FYCO1: variants seen among roughly 807,000 people sequenced by gnomAD.
FYCO1 encodes the protein FYVE and coiled-coil domain autophagy adaptor 1.
In FYCO1, 122 loss-of-function variants were observed where a neutral mutation model predicts 165.1. The ratio of observed to expected loss-of-function variants is 0.74; its 90% CI spans 0.64 to 0.86. The LOEUF (loss-of-function observed/expected upper bound fraction) is 0.86. Ranked by LOEUF, FYCO1 falls within the 40% of genes least tolerant of loss-of-function variation. The pLI is 0.00. For missense variants in FYCO1, 1,702 were observed against 1,810.3 expected, an observed-to-expected ratio of 0.94 and a Z score of 1.09; for synonymous variants, 648 against 742.5, an observed-to-expected ratio of 0.87 and a Z score of 2.07.
chr3:45,937,314 C>T (rs9869848), intron 14 of FYCO1, among the ~76,000 whole-genome samples: 119,729 of 152,208 alleles, frequency 0.79, 47,637 homozygotes, highest in East Asian at 0.96. Context: ...TGGCTTCTTT[C>T]TAAATTGCTG....
intron 14 of FYCO1, chr3:45,946,038 C>T: frequency 6.2e-6 from 1 of 162,052 alleles, no homozygotes; most frequent in Admixed American, 5.7e-5. Context: ...TGTGGTGAGG[C>T]AGGGGGAGAT....
intron 17 of FYCO1, among the ~76,000 whole-genome samples, chr3:45,922,431 G>A (rs943520796): frequency 1.3e-5 from 2 of 152,206 alleles, no homozygotes; most frequent in Non-Finnish European, 2.9e-5. Context: ...CTGCAGAGTA[G>A]GAAATGGAGA....
At chr3:45,986,499 T>C (rs755907595) in intron 1 of FYCO1, among the ~76,000 whole-genome samples, 6 of 152,172 alleles carry the variant, frequency 3.9e-5, no homozygotes, top group Non-Finnish European at 7.3e-5. Flanking sequence ...AGGGCAGAGA[T>C]AACTAGAGCC....
chr3:45,964,457 G>C lies in FYCO1; in HGVS notation c.3151-3C>G, dbSNP rs1705878108. 6.2e-7 allele frequency: 1 copy of C among 1,613,920 alleles called. No homozygotes were observed. Among genetic ancestry groups the C allele is most frequent in the Non-Finnish European group, 8.5e-7 (1 of 1,179,856 alleles). The stretch of plus-strand genomic sequence containing the variant: ...TCTCCCATGTCTGCTTGGGTGGCCT[G>C]GCACAGGACGTCAGGGAGAAGACAC... On this transcript the variant is annotated splice_region_variant and splice_polypyrimidine_tract_variant and intron_variant, in intron 9 of 17. Coordinates refer to ENST00000296137, the MANE Select transcript of FYCO1 (RefSeq NM_024513.4). The surrounding 1 kb of genome is among the most constrained non-coding windows in gnomAD (Gnocchi z 4.1).
chr3:45,924,998 T>C (rs1349877325), intron 16 of FYCO1, among the ~76,000 whole-genome samples: 1 of 152,076 alleles, frequency 6.6e-6, no homozygotes, highest in Non-Finnish European at 1.5e-5. Context: ...GTCGTGATCT[T>C]GGCTCACTGC....
intron 1 of FYCO1, among the ~76,000 whole-genome samples, chr3:45,990,893 C>CTCG (rs1240432044): frequency 6.6e-6 from 1 of 152,190 alleles, no homozygotes; most frequent in Non-Finnish European, 1.5e-5. Flanking sequence ...CTGCCTCAGC[C>CTCG]TCGTGAGTAG....
intron 15 of FYCO1, 105 bp downstream of exon 15, chr3:45,936,343 A>G (rs1703885716): frequency 1.3e-6 from 1 of 771,582 alleles, no homozygotes; most frequent in Admixed American, 1.7e-5. Flanking sequence ...CCCCACTGGT[A>G]TTAAGTTAGA....
intron 6 of FYCO1, among the ~76,000 whole-genome samples, chr3:45,971,986 T>C (rs1178486917): frequency 2.6e-5 from 4 of 152,342 alleles, no homozygotes; most frequent in South Asian, 4.1e-4. Context: ...ATCAAGTCTG[T>C]AATTTACTCT....
intron 4 of FYCO1, among the ~76,000 whole-genome samples, chr3:45,977,541 AT>A (rs1203352838): frequency 6.6e-6 from 1 of 151,096 alleles, no homozygotes; most frequent in Non-Finnish European, 1.5e-5. Flanking sequence ...TAATTCCTTA[AT>A]TTTTTTTAGC....
intron 15 of FYCO1, among the ~76,000 whole-genome samples, chr3:45,935,346 C>A (rs1703835561): frequency 6.6e-6 from 1 of 152,184 alleles, no homozygotes; most frequent in South Asian, 2.1e-4. Context: ...TGCTACACAC[C>A]TCATTTTGGG....
At chr3:45,946,229 G>GAGTTGT in intron 14 of FYCO1, 1 of 462,314 alleles carries the variant, frequency 2.2e-6, no homozygotes, top group African/African-American at 1.9e-5. Flanking sequence ...TTGTCTCCCA[G>GAGTTGT]ATGGGTGAGA....
Position 45,936,577 on chromosome 3 carries a change from G to A in FYCO1, c.3945-34C>T, listed in dbSNP as rs1343694289. The A allele has an allele frequency of 5.5e-6, 8 of 1,451,530 alleles. No homozygotes were observed. The South Asian group carries it at 6.8e-5, about 12-fold the overall frequency. 89.9% of individuals were successfully genotyped at this position (1,451,530 alleles called of 1,614,324 possible). ...TCACAAATGAGAACACAGTCATTTA[G>A]CTATCAACACACAGGGTCTCACATC... On this transcript the variant is annotated intron_variant, in intron 14 of 17. Transcript: ENST00000296137.
rs143154227 is a variant in FYCO1, at chr3:45,935,969, G to C, written c.4040+479C>G. 7.2e-5 allele frequency among the ~76,000 whole-genome samples: 11 copies of C among 152,268 alleles called. No individual in the cohort carries two copies. In the East Asian group the frequency reaches 2.1e-3, roughly 29 times the overall value. ...TGGGAAAATACTCATGCTATAGGAA[G>C]TTTTAAAAGACTGCAAAATAAGATT... On this transcript the variant is annotated intron_variant, in intron 15 of 17. Transcript: ENST00000296137.
At chr3:45,977,062 C>T (rs1706796303) in intron 4 of FYCO1, among the ~76,000 whole-genome samples, 2 of 151,946 alleles carry the variant, frequency 1.3e-5, no homozygotes, top group Non-Finnish European at 2.9e-5. Flanking sequence ...TTTCCACTGA[C>T]GATTGAGGTG....
At chr3:45,989,127 A>G (rs1374594596) in intron 1 of FYCO1, among the ~76,000 whole-genome samples, 3 of 152,160 alleles carry the variant, frequency 2.0e-5, no homozygotes, top group African/African-American at 7.2e-5. Flanking sequence ...CTCCACCTTC[A>G]AAATTTTGCT....
chr3:45,981,948 A>G (rs1707083741), intron 2 of FYCO1, among the ~76,000 whole-genome samples: 1 of 152,234 alleles, frequency 6.6e-6, no homozygotes. Context: ...TAATTTGCAT[A>G]TAGTAGCTGG....
intron 14 of FYCO1, chr3:45,947,414 C>T (rs1033012277): frequency 6.2e-7 from 1 of 1,614,220 alleles, no homozygotes; most frequent in Non-Finnish European, 8.5e-7. Flanking sequence ...GCCTCCCTTA[C>T]CTTGGGGTCT....
chr3:45,979,321 A>T (rs1357403996), intron 4 of FYCO1, among the ~76,000 whole-genome samples: 1 of 152,250 alleles, frequency 6.6e-6, no homozygotes, highest in Non-Finnish European at 1.5e-5. Context: ...GTGTAGGGAA[A>T]GCAGCATAGC....
rs752900690 is a variant in FYCO1, at chr3:45,968,146, C to T, written c.1188G>A (p.Ala396=). The change falls in exon 8 of 18, where the codon GCG becomes GCA. Residue 396 remains alanine, a synonymous_variant. Transcript: ENST00000296137. ...KGRQEPIPSD[A]AQEMQELGEK... ...CCCCTAGCTCCTGCATCTCCTGGGC[C>T]GCATCACTGGGAATAGGTTCTTGCC... The T allele has an allele frequency of 1.7e-5, 28 of 1,614,004 alleles. No homozygotes were observed. The East Asian group carries it at 1.8e-4, about 10-fold the overall frequency.
Sources: allele counts gnomAD v4.1 joint callset (sites outside exome capture counted in the v4.1 genomes callset), GRCh38; gene constraint gnomAD v4.1.1; non-coding constraint Gnocchi (gnomAD v3.1); transcripts MANE v1.5; gene names NCBI Gene and HGNC (gene_info 2026-07-23, HGNC 2026-07-21).